PCDH9: variants seen among roughly 807,000 people sequenced by gnomAD.
The protein encoded by PCDH9 is protocadherin 9.
A neutral mutation model predicts 70.6 loss-of-function variants in PCDH9; 24 were observed. The ratio of observed to expected loss-of-function variants is 0.34; its 90% CI spans 0.25 to 0.48. The LOEUF is 0.48. Ranked by LOEUF, PCDH9 falls within the 20% of genes least tolerant of loss-of-function variation. The probability of loss-of-function intolerance (pLI) is 0.99; values close to 1 mark genes in which losing one functional copy is unlikely to be tolerated. For missense variants in PCDH9, 1,281 were observed against 1,503.6 expected, an observed-to-expected ratio of 0.85 and a Z score of 2.45; for synonymous variants, 562 against 558.5, an observed-to-expected ratio of 1.01 and a Z score of -0.09.
At chr13:67,205,169 G>A (rs1381646397) in intron 2 of PCDH9, 1 of 152,056 alleles carries the variant, frequency 6.6e-6, no homozygotes, top group African/African-American at 2.4e-5. Context: ...AGAATTATGC[G>A]TTTCCAATAT....
At chr13:67,017,858 A>G (rs1030668517) in intron 2 of PCDH9, among the ~76,000 whole-genome samples, 1 of 152,216 alleles carries the variant, frequency 6.6e-6, no homozygotes, top group Non-Finnish European at 1.5e-5. Context: ...AAAATTACAC[A>G]TCCAATAATC....
At chr13:66,361,829 C>T (rs1335953045) in intron 4 of PCDH9, among the ~76,000 whole-genome samples, 5 of 152,204 alleles carry the variant, frequency 3.3e-5, no homozygotes, top group African/African-American at 7.2e-5. Context: ...CAATGATAGC[C>T]GCTGCCTTGA....
rs555145716 is a variant in PCDH9, at chr13:66,307,817, G to A, written c.3341-2789C>T. On this transcript the variant is annotated intron_variant, in intron 4 of 4. Transcript: ENST00000377865. ...ATTAATTTAAGACATATCACTCGAAGATTGAGAATGTGTTGTGTGCGCGTT... is the reference window on the plus strand; with the variant it reads ...ATTAATTTAAGACATATCACTCGAAAATTGAGAATGTGTTGTGTGCGCGTT... Among the ~76,000 whole-genome samples, 148 of 152,186 alleles carry A rather than the reference G, an allele frequency of 9.7e-4. 1 individual carries two copies. Among genetic ancestry groups the A allele is most frequent in the Middle Eastern group, 3.4e-3 (1 of 294 alleles).
At chr13:66,799,846 C>T (rs1035694396) in intron 3 of PCDH9, among the ~76,000 whole-genome samples, 1 of 152,076 alleles carries the variant, frequency 6.6e-6, no homozygotes, top group Non-Finnish European at 1.5e-5. Context: ...TTTAAAACTC[C>T]AGCCATCAGA....
At chr13:66,357,685 TGCAA>T (rs1009047375) in intron 4 of PCDH9, among the ~76,000 whole-genome samples, 1 of 152,054 alleles carries the variant, frequency 6.6e-6, no homozygotes, top group African/African-American at 2.4e-5. Flanking sequence ...ATTCTTACAC[TGCAA>T]GACCGTGACG....
At chr13:67,005,261 A>G (rs1303239417) in intron 2 of PCDH9, among the ~76,000 whole-genome samples, 1 of 151,868 alleles carries the variant, frequency 6.6e-6, no homozygotes, top group Admixed American at 6.6e-5. Flanking sequence ...AAGTTGTAGG[A>G]AGAGGAGTAG....
intron 4 of PCDH9, among the ~76,000 whole-genome samples, chr13:66,372,345 C>A (rs7988498): frequency 6.0e-5 from 9 of 151,258 alleles, no homozygotes; most frequent in African/African-American, 2.2e-4. Flanking sequence ...ATTCTATCTG[C>A]GGCCTAAAGG....
intron 4 of PCDH9, among the ~76,000 whole-genome samples, chr13:66,559,334 CT>C (rs1961891642): frequency 6.6e-6 from 1 of 152,046 alleles, no homozygotes; most frequent in Non-Finnish European, 1.5e-5. Context: ...GAAAATTTGC[CT>C]TTGATGTTGT....
intron 2 of PCDH9, among the ~76,000 whole-genome samples, chr13:67,006,082 T>A (rs1251089916): frequency 6.6e-6 from 1 of 152,112 alleles, no homozygotes; most frequent in African/African-American, 2.4e-5. Flanking sequence ...AAAAAATTAG[T>A]CGGGCCTGGC....
intron 2 of PCDH9, among the ~76,000 whole-genome samples, chr13:67,009,121 T>C (rs1250121649): frequency 2.0e-5 from 3 of 152,140 alleles, no homozygotes; most frequent in Non-Finnish European, 4.4e-5. Flanking sequence ...TTAGCGTTCA[T>C]CTCAACCAAC....
At chr13:67,138,215 C>CA (rs1310094682) in intron 2 of PCDH9, among the ~76,000 whole-genome samples, 1 of 152,036 alleles carries the variant, frequency 6.6e-6, no homozygotes, top group Non-Finnish European at 1.5e-5. Flanking sequence ...TACAAAATGG[C>CA]AAAAAGAACA....
rs1410715629 is a variant in PCDH9, at chr13:66,694,619, TTAAA to T, written c.3139-63212_3139-63209del. ...ATTTTAGCAGATATTTGAGTGAAAG[TTAAA>T]TAGTCAAAAGGAATATGTATATAAT... is the stretch of plus-strand genomic sequence containing the variant. On this transcript the variant is annotated intron_variant, in intron 3 of 4. Transcript: ENST00000377865. Among the ~76,000 whole-genome samples the T allele has an allele frequency of 6.1e-4, 93 of 152,090 alleles. 1 individual carries two copies. The East Asian group carries it at 6.6e-3, about 11-fold the overall frequency.
chr13:66,506,360 G>A (rs1267321001), intron 4 of PCDH9, among the ~76,000 whole-genome samples: 2 of 152,104 alleles, frequency 1.3e-5, no homozygotes, highest in East Asian at 1.9e-4. Context: ...TGTAAAAAGC[G>A]GCAAACTACT....
intron 2 of PCDH9, among the ~76,000 whole-genome samples, chr13:67,195,246 T>C (rs901551204): frequency 3.3e-5 from 5 of 151,798 alleles, no homozygotes; most frequent in Admixed American, 6.6e-5. Context: ...CCCAGGTTCA[T>C]GCCATTCTCC....
At chr13:67,173,681 C>T (rs1183276287) in intron 2 of PCDH9, among the ~76,000 whole-genome samples, 1 of 152,122 alleles carries the variant, frequency 6.6e-6, no homozygotes, top group Non-Finnish European at 1.5e-5. Flanking sequence ...AATAGGTTAG[C>T]AAGGCAGCAG....
At chr13:66,792,722 TTTG>T (rs2080181967) in intron 3 of PCDH9, among the ~76,000 whole-genome samples, 1 of 152,042 alleles carries the variant, frequency 6.6e-6, no homozygotes, top group Non-Finnish European at 1.5e-5. Context: ...TCTGTGGTAA[TTTG>T]TTATATTACT....
intron 3 of PCDH9, among the ~76,000 whole-genome samples, chr13:66,856,798 C>G (rs989330963): frequency 3.9e-5 from 6 of 152,044 alleles, no homozygotes; most frequent in Non-Finnish European, 8.8e-5. Flanking sequence ...ATATTCATCA[C>G]TTAATCTCAT....
chr13:66,488,658 A>G (rs1166327590), intron 4 of PCDH9, among the ~76,000 whole-genome samples: 4 of 152,208 alleles, frequency 2.6e-5, no homozygotes, highest in Non-Finnish European at 5.9e-5. Flanking sequence ...TAGAAGAATA[A>G]TTTACATAAA....
chr13:66,951,686 T>A (rs2083184048), intron 2 of PCDH9, among the ~76,000 whole-genome samples: 1 of 152,156 alleles, frequency 6.6e-6, no homozygotes, highest in South Asian at 2.1e-4. Flanking sequence ...CAAAGCTAGG[T>A]CTCCCCATAA....
Sources: allele counts gnomAD v4.1 joint callset (sites outside exome capture counted in the v4.1 genomes callset), GRCh38; gene constraint gnomAD v4.1.1; transcripts MANE v1.5; gene names NCBI Gene and HGNC (gene_info 2026-07-23, HGNC 2026-07-21).